ARMC5: variants seen among roughly 807,000 people sequenced by gnomAD.
ARMC5 encodes armadillo repeat-containing protein 5.
Under a neutral mutation model 60.5 loss-of-function variants are expected in ARMC5, and 28 were observed. That is an observed-to-expected ratio of 0.46 (90% CI 0.34 to 0.63). ARMC5 has a LOEUF of 0.63. Among genes scored for constraint, ARMC5 ranks in the 30% least tolerant of loss-of-function variants. The probability of loss-of-function intolerance (pLI) is 0.01; values close to 1 mark genes in which losing one functional copy is unlikely to be tolerated. For missense variants in ARMC5, 1,189 were observed against 1,304.9 expected (o/e 0.91, Z 1.37); for synonymous variants, 680 against 607.3 (o/e 1.12, Z -1.76).
In ARMC5 at chr16:31,462,937, C is replaced by T; in HGVS notation, c.1370+20C>T. 6.5e-7 allele frequency: 1 copy of T among 1,540,204 alleles called. No homozygotes were observed. The highest frequency in any genetic ancestry group is 2.3e-5 in the East Asian group (1 of 42,804). ...CCTCAGGTGAGTCCCTGCCTCAGGGCTTGGGAGGGTGAGCAGTGCAGTGAT... is the reference window on the plus strand; with the variant it reads ...CCTCAGGTGAGTCCCTGCCTCAGGGTTTGGGAGGGTGAGCAGTGCAGTGAT... On this transcript the variant is annotated intron_variant, in intron 3 of 5. Transcript: ENST00000268314. The surrounding 1 kb of genome is among the most constrained non-coding windows in gnomAD (Gnocchi z 7.2).
At position 31,466,683 on chromosome 16, in the gene ARMC5, T is replaced by C; in HGVS notation, c.2602T>C (p.Ser868Pro). 1.3e-6 allele frequency: 2 copies of C among 1,572,572 alleles called. No individual in the cohort carries two copies. The highest frequency in any genetic ancestry group is 1.7e-6 in the Non-Finnish European group (2 of 1,159,642). Reference protein sequence around the residue: ...IHLGPQGGPESVGEVFRLGRP... With the variant: ...IHLGPQGGPEPVGEVFRLGRP... The stretch of plus-strand genomic sequence containing the variant: ...CCTGGGACCCCAGGGTGGCCCGGAG[T>C]CAGTGGGTGAGGTGTTCCGCCTGGG... Residue 868 changes from serine to proline, a missense_variant, in exon 6 of 6, where the codon TCA becomes CCA. Ser to Pro is a moderately conservative substitution (Grantham distance 74). Coordinates refer to ENST00000268314, the MANE Select transcript of ARMC5 (RefSeq NM_001105247.2). This position sits in a 1 kb window ranked among gnomAD's most constrained non-coding sequence, Gnocchi z 8.0.
chr16:31,458,665 G>A (rs1163871211), upstream of ARMC5: 15 of 1,441,830 alleles, frequency 1.0e-5, no homozygotes, highest in East Asian at 3.5e-4. Flanking sequence ...CATTTTCCGG[G>A]CGGGCAGCTG....
At chr16:31,458,409 G>T, upstream of ARMC5, 1 of 1,535,738 alleles carries the variant, frequency 6.5e-7, no homozygotes. Flanking sequence ...GGTCACACTC[G>T]GGGCAGGAGT....
At chr16:31,460,920 C>T (rs1381945485) in intron 1 of ARMC5, among the ~76,000 whole-genome samples, 5 of 152,156 alleles carry the variant, frequency 3.3e-5, no homozygotes, top group Admixed American at 6.5e-5. Context: ...CTGCCTTCCA[C>T]GAAATTATGC....
In ARMC5 at chr16:31,462,491, G is replaced by A. The variant is rs1415974570; in HGVS notation, c.944G>A (p.Arg315Gln). 1 of 1,612,000 alleles carries A rather than the reference G, an allele frequency of 6.2e-7. No homozygotes were observed. Among genetic ancestry groups the A allele is most frequent in the Non-Finnish European group, 8.5e-7 (1 of 1,179,880 alleles). ...AACCTGTGTGCCCAGGGCCTGATTC[G>A]GCCTGCACTGGGCAATGCTGGTGGC... Reference protein sequence around the residue: ...LANLCAQGLIRPALGNAGGVE... With the variant: ...LANLCAQGLIQPALGNAGGVE... The change falls in exon 3 of 6, where the codon CGG becomes CAG. Residue 315 changes from arginine to glutamine, a missense_variant. Transcript: ENST00000268314. The surrounding 1 kb of genome is among the most constrained non-coding windows in gnomAD (Gnocchi z 7.2).
Position 31,459,956 on chromosome 16 carries a change from G to T in ARMC5, c.432G>T (p.Ala144=), listed in dbSNP as rs200910451. 3.1e-4 allele frequency: 489 copies of T among 1,602,436 alleles called. No individual in the cohort carries two copies. The highest frequency in any genetic ancestry group is 4.0e-4 in the Non-Finnish European group (474 of 1,179,452). The change falls in exon 1 of 6, where the codon GCG becomes GCT. Residue 144 remains alanine (A), a synonymous_variant. Coordinates refer to ENST00000268314, the MANE Select transcript of ARMC5 (RefSeq NM_001105247.2). ...SILADCCTEG[A]CRTEVRRLGG... is the part of the protein sequence containing the mutation. ...TAGCCGATTGCTGTACGGAAGGGGC[G>T]TGCCGGACCGAAGTGCGCAGACTCG... is the stretch of plus-strand genomic sequence containing the variant.
chr16:31,467,091 C>A lies in ARMC5; in HGVS notation c.*202C>A. ...GTTCTGGGTGTAGGGCCCAGAGAAG[C>A]AGAACAGCCCAGAGCCCCAGGTGCC... On this transcript the variant is annotated 3_prime_UTR_variant, in exon 6 of 6. Coordinates refer to ENST00000268314, the MANE Select transcript of ARMC5 (RefSeq NM_001105247.2). The A allele has an allele frequency of 1.7e-6, 1 of 587,712 alleles. No homozygotes were observed. The highest frequency in any genetic ancestry group is 2.7e-6 in the Non-Finnish European group (1 of 371,498). The allele number at this position is 587,712 out of a possible 1,614,324, so 36.4% of individuals were successfully genotyped here.
intron 1 of ARMC5, among the ~76,000 whole-genome samples, chr16:31,460,721 C>G (rs563298588): frequency 4.0e-4 from 61 of 152,116 alleles, no homozygotes; most frequent in Non-Finnish European, 6.2e-4. Flanking sequence ...GCCTGGGCAA[C>G]GTAACAAGAC....
upstream of ARMC5, chr16:31,459,073 A>T: frequency 6.7e-7 from 1 of 1,497,860 alleles, no homozygotes; most frequent in Non-Finnish European, 8.9e-7. Context: ...GGGTTCTCGG[A>T]GTCCGTCCCA....
At position 31,466,577 on chromosome 16, in the gene ARMC5, C is replaced by T. The variant is rs780792958; in HGVS notation, c.2496C>T (p.Ala832=). 35 of 1,608,896 alleles carry T rather than the reference C, an allele frequency of 2.2e-5. No individual in the cohort carries two copies. The highest frequency in any genetic ancestry group is 4.4e-5 in the South Asian group (4 of 90,774). ...PPGQPLLGSE[A]EEALEAAGRF... ...GCCAGCCCCTGCTGGGTTCAGAGGC[C>T]GAGGAGGCACTGGAGGCTGCTGGCC... The change falls in exon 6 of 6, where the codon GCC becomes GCT. Residue 832 remains alanine (A), a synonymous_variant. Transcript: ENST00000268314. This position sits in a 1 kb window ranked among gnomAD's most constrained non-coding sequence, Gnocchi z 8.0.
Position 31,462,534 on chromosome 16 carries a change from TG to T in ARMC5, c.988del (p.Glu330SerfsTer45). ...CTGGTGGCGTGGAGGTGCTGGTAGA[TG>T]AGCTCCGGCAGCGCCGGGATCCTAA... The part of the protein sequence containing the change: ...NAGGVEVLVD[E>X]LRQRRDPNGA... On this transcript the variant is annotated frameshift_variant, in exon 3 of 6. Coordinates refer to ENST00000268314, the MANE Select transcript of ARMC5 (RefSeq NM_001105247.2). LOFTEE classifies it high-confidence loss of function. The surrounding 1 kb of genome is among the most constrained non-coding windows in gnomAD (Gnocchi z 7.2). 6.2e-7 allele frequency: 1 copy of T among 1,611,018 alleles called. No individual in the cohort carries two copies. Among genetic ancestry groups the T allele is most frequent in the Non-Finnish European group, 8.5e-7 (1 of 1,179,836 alleles).
At chr16:31,460,342 A>C in intron 1 of ARMC5, 2 of 279,222 alleles carry the variant, frequency 7.2e-6, no homozygotes, top group Non-Finnish European at 1.4e-5. Flanking sequence ...TCAGTGCCCA[A>C]CTATGTGTCC....
rs1322368307 is a variant in ARMC5 at position 31,460,002 on chromosome 16, A to G, written c.475+3A>G. On this transcript the variant is annotated splice_donor_region_variant and intron_variant, in intron 1 of 5. Coordinates refer to ENST00000268314, the MANE Select transcript of ARMC5 (RefSeq NM_001105247.2). ...ACTCGGAGGCATACTCCCTTTGGGT[A>G]AGTGCTCCGCCCCCGTTTCCTAGAA... is the stretch of plus-strand genomic sequence containing the variant. 6.3e-7 allele frequency: 1 copy of G among 1,593,816 alleles called. No individual in the cohort carries two copies. Among genetic ancestry groups the G allele is most frequent in the Middle Eastern group, 1.7e-4 (1 of 6,038 alleles).
At chr16:31,459,038 G>A (rs1596598600), upstream of ARMC5, 4 of 1,520,678 alleles carry the variant, frequency 2.6e-6, no homozygotes, top group East Asian at 7.4e-5. Flanking sequence ...GCGCGGTCAG[G>A]ACCCCGCACT....
At chr16:31,465,159 G>A in intron 4 of ARMC5, 1 of 1,610,706 alleles carries the variant, frequency 6.2e-7, no homozygotes, top group Non-Finnish European at 8.5e-7. Flanking sequence ...GGGCTGGTCT[G>A]TGCTTCTTTC....
At position 31,464,706 on chromosome 16, in the gene ARMC5, G is replaced by A. The variant is rs776009303; in HGVS notation, c.1683G>A (p.Pro561=). 8.3e-5 allele frequency: 132 copies of A among 1,598,502 alleles called. 1 individual carries two copies. Among genetic ancestry groups the A allele is most frequent in the Non-Finnish European group, 1.0e-4 (122 of 1,179,160 alleles). Residue 561 remains proline (P), a synonymous_variant, in exon 4 of 6, where the codon CCG becomes CCA. Coordinates refer to ENST00000268314, the MANE Select transcript of ARMC5 (RefSeq NM_001105247.2). The surrounding 1 kb of genome is among the most constrained non-coding windows in gnomAD (Gnocchi z 7.6). The part of the protein sequence containing the change: ...LLTYVTGAPG[P]PSPRALRILS... Reference sequence around the variant, plus strand: ...CCTATGTGACCGGCGCACCGGGCCCGCCCAGCCCACGTGCACTGCGCATTC... The same window carrying A: ...CCTATGTGACCGGCGCACCGGGCCCACCCAGCCCACGTGCACTGCGCATTC...
chr16:31,464,758 T>G lies in ARMC5; in HGVS notation c.1735T>G (p.Cys579Gly). 6.3e-7 allele frequency: 1 copy of G among 1,599,234 alleles called. No individual in the cohort carries two copies. The highest frequency in any genetic ancestry group is 8.5e-7 in the Non-Finnish European group (1 of 1,179,288). ...GTCACGCCTCACCTGCAACCCTGCC[T>G]GCCTCGAGGCCTTCGTGCGCAGCTA... is the stretch of plus-strand genomic sequence containing the variant. ...ILSRLTCNPACLEAFVRSYGA... is the reference protein window; with the variant it reads ...ILSRLTCNPAGLEAFVRSYGA... Residue 579 changes from cysteine (C) to glycine (G), a missense_variant, in exon 4 of 6, where the codon TGC becomes GGC. Cys to Gly is a radical substitution (Grantham distance 159). Around this residue, in one of 2 missense-constraint regions of ARMC5, gnomAD observed 862 missense variants for 1,071.2 expected, o/e 0.80. Transcript: ENST00000268314. The surrounding 1 kb of genome is among the most constrained non-coding windows in gnomAD (Gnocchi z 7.6).
At chr16:31,459,183 G>A, upstream of ARMC5, 1 of 1,520,146 alleles carries the variant, frequency 6.6e-7, no homozygotes, top group Non-Finnish European at 8.8e-7. Context: ...CGGCACGAAG[G>A]CTCCGTGGTC....
rs750797663 is a variant in ARMC5, at chr16:31,462,550, C to A, written c.1003C>A (p.Arg335=). Residue 335 remains arginine (R), a synonymous_variant, in exon 3 of 6, where the codon CGG becomes AGG. Coordinates refer to ENST00000268314, the MANE Select transcript of ARMC5 (RefSeq NM_001105247.2). The surrounding 1 kb of genome is among the most constrained non-coding windows in gnomAD (Gnocchi z 7.2). ...GCTGGTAGATGAGCTCCGGCAGCGC[C>A]GGGATCCTAATGGAGCTAGCCCAAC... ...EVLVDELRQR[R]DPNGASPTSQ... is the part of the protein sequence containing the mutation. 1.2e-6 allele frequency: 2 copies of A among 1,611,044 alleles called. No homozygotes were observed. Among genetic ancestry groups the A allele is most frequent in the Admixed American group, 1.7e-5 (1 of 60,012 alleles).
Sources: gnomAD v4.1 joint callset for allele counts (sites outside exome capture counted in the v4.1 genomes callset) on GRCh38, gnomAD v4.1.1 for gene constraint, gnomAD v4.1.1 regional missense constraint, Gnocchi (gnomAD v3.1) non-coding constraint, MANE v1.5 for transcripts, NCBI Gene and HGNC (gene_info 2026-07-23, HGNC 2026-07-21) for gene names.